The following CELF2 variants were observed in gnomAD, a reference collection of about 807,000 sequenced individuals.
The protein encoded by CELF2 is CUGBP Elav-like family member 2, also known as CUG triplet repeat RNA-binding protein 2.
In CELF2, 8 loss-of-function variants were observed where a neutral mutation model predicts 62.6. The observed-to-expected ratio is 0.13, with a 90% confidence interval of 0.07 to 0.23. The LOEUF is 0.23. CELF2 is among the 10% of genes least tolerant of loss of function. The pLI is 1.00. For missense variants in CELF2, 333 were observed against 671.0 expected (o/e 0.50, Z 5.56); for synonymous variants, 258 against 250.0 (o/e 1.03, Z -0.30).
chr10:10,547,673 T>TAGAGAGAGAGAGAGAG, the CELF2 span, among the ~76,000 whole-genome samples: 1 of 135,344 alleles, frequency 7.4e-6, no homozygotes, highest in African/African-American at 2.9e-5. Context: ...ACCAAAAAGA[T>TAGAGAGAGAGAGAGAG]AGAGAGAGAG....
intron 2 of CELF2, among the ~76,000 whole-genome samples, chr10:11,193,227 A>G (rs1050559404): frequency 3.3e-5 from 5 of 152,138 alleles, no homozygotes; most frequent in East Asian, 1.9e-4. Flanking sequence ...ATCTGGGCCA[A>G]GCTTCTCCAG....
intron 2 of CELF2, among the ~76,000 whole-genome samples, chr10:10,994,292 A>G (rs1230789277): frequency 3.3e-5 from 5 of 152,210 alleles, no homozygotes; most frequent in South Asian, 2.1e-4. Flanking sequence ...TGTTTAGAAC[A>G]TCATGGTCTA....
chr10:10,771,912 A>G, the CELF2 span, among the ~76,000 whole-genome samples: 25 of 152,316 alleles, frequency 1.6e-4, no homozygotes, highest in Middle Eastern at 3.4e-3. Flanking sequence ...GTCACTTACA[A>G]CTGAAAAAGT....
At chr10:11,185,849 T>G (rs908952247) in intron 2 of CELF2, among the ~76,000 whole-genome samples, 1 of 152,256 alleles carries the variant, frequency 6.6e-6, no homozygotes, top group African/African-American at 2.4e-5. Context: ...AATCCTGATC[T>G]CATAGAATGA....
chr10:11,234,231 C>T (rs2070103055), intron 3 of CELF2, among the ~76,000 whole-genome samples: 1 of 152,226 alleles, frequency 6.6e-6, no homozygotes, highest in South Asian at 2.1e-4. Flanking sequence ...GCTGAGGTCT[C>T]AGCTGCTCCT....
the CELF2 span, among the ~76,000 whole-genome samples, chr10:10,576,941 A>C: frequency 6.6e-6 from 1 of 152,240 alleles, no homozygotes; most frequent in Non-Finnish European, 1.5e-5. Context: ...GGAAGAGGCT[A>C]TTCTACCCCC....
chr10:10,652,241 T>C, the CELF2 span, among the ~76,000 whole-genome samples: 1 of 125,512 alleles, frequency 8.0e-6, no homozygotes, highest in Non-Finnish European at 1.7e-5. Context: ...CAAATCTACA[T>C]CTGATTGGTG....
intron 1 of CELF2, among the ~76,000 whole-genome samples, chr10:10,873,803 C>G (rs2060911932): frequency 1.3e-5 from 2 of 152,216 alleles, no homozygotes; most frequent in African/African-American, 4.8e-5. Flanking sequence ...CTGAATCCTC[C>G]TTGTCGGTTT....
the CELF2 span, among the ~76,000 whole-genome samples, chr10:10,494,521 A>G: frequency 1.2e-4 from 18 of 152,228 alleles, no homozygotes; most frequent in African/African-American, 4.1e-4. Flanking sequence ...AAGACATAGA[A>G]AAACTGATTG....
At chr10:11,149,862 T>C (rs1438043767) in intron 1 of CELF2, among the ~76,000 whole-genome samples, 1 of 152,214 alleles carries the variant, frequency 6.6e-6, no homozygotes, top group Non-Finnish European at 1.5e-5. Context: ...TATACTGTCT[T>C]CAGGTATTCA....
At chr10:10,597,475 G>A in the CELF2 span, among the ~76,000 whole-genome samples, 6 of 152,068 alleles carry the variant, frequency 3.9e-5, no homozygotes, top group Non-Finnish European at 8.8e-5. Flanking sequence ...GAATAACAAT[G>A]ACAAGCCACA....
intron 1 of CELF2, among the ~76,000 whole-genome samples, chr10:11,033,165 C>T (rs1468833273): frequency 6.6e-6 from 1 of 152,032 alleles, no homozygotes; most frequent in Non-Finnish European, 1.5e-5. Context: ...CATCAAATAT[C>T]ACTGTCCAGT....
chr10:10,958,599 T>A (rs997662394), intron 2 of CELF2, among the ~76,000 whole-genome samples: 4 of 151,932 alleles, frequency 2.6e-5, no homozygotes, highest in Admixed American at 2.6e-4. Flanking sequence ...GGCTCAGAGG[T>A]TTGGGAGGCC....
chr10:10,658,991 C>T, the CELF2 span, among the ~76,000 whole-genome samples: 18 of 152,264 alleles, frequency 1.2e-4, no homozygotes, highest in Non-Finnish European at 2.2e-4. Context: ...AACAGATCTG[C>T]ATAACTGGGG....
In CELF2 at chr10:11,192,012, T is replaced by C. The variant is rs116136724; in HGVS notation, c.272-25413T>C. Among the ~76,000 whole-genome samples, 1,513 of 152,312 alleles carry C rather than the reference T, an allele frequency of 9.9e-3. 21 individuals are homozygous for C. The highest frequency in any genetic ancestry group is 0.031 in the African/African-American group (1,292 of 41,570). ...TTGCTGTTTTCCCAGAATAGCCAAT[T>C]AGTATTGAGGAAGTGTCACCTGCTC... On this transcript the variant is annotated intron_variant, in intron 2 of 12. Transcript: ENST00000633077.
At chr10:11,096,295 G>A (rs1044741738) in intron 1 of CELF2, 7 of 152,034 alleles carry the variant, frequency 4.6e-5, no homozygotes, top group Non-Finnish European at 5.9e-5. Context: ...TTCTTTCTTT[G>A]TCTTACCTCT....
the CELF2 span, among the ~76,000 whole-genome samples, chr10:10,667,618 C>T: frequency 6.6e-6 from 1 of 152,146 alleles, no homozygotes; most frequent in Non-Finnish European, 1.5e-5. Flanking sequence ...CAGTATTATT[C>T]CCACTTTTGG....
chr10:11,210,490 T>G (rs927367856), intron 2 of CELF2, among the ~76,000 whole-genome samples: 1 of 152,248 alleles, frequency 6.6e-6, no homozygotes, highest in Admixed American at 6.5e-5. Flanking sequence ...TTTGTCTCAT[T>G]AGCCCTCAAG....
intron 1 of CELF2, among the ~76,000 whole-genome samples, chr10:11,064,792 A>T (rs1056243498): frequency 1.5e-4 from 23 of 152,218 alleles, no homozygotes; most frequent in Non-Finnish European, 1.5e-5. Flanking sequence ...TCATGAGATA[A>T]TGTGACCTGC....
Sources: allele counts gnomAD v4.1 joint callset (sites outside exome capture counted in the v4.1 genomes callset), GRCh38; gene constraint gnomAD v4.1.1; transcripts MANE v1.5; gene names NCBI Gene and HGNC (gene_info 2026-07-23, HGNC 2026-07-21).